The following ROBO2 variants were observed in gnomAD, a reference collection of about 807,000 sequenced individuals.
ROBO2 encodes the protein roundabout homolog 2.
In ROBO2, 53 loss-of-function variants were observed where a neutral mutation model predicts 160.8. That is an observed-to-expected ratio of 0.33 (90% CI 0.26 to 0.41). The LOEUF is 0.41. ROBO2 is among the 10% of genes least tolerant of loss of function. The pLI, the probability that ROBO2 is intolerant of heterozygous loss-of-function variation, is 1.00. For missense variants in ROBO2, 1,577 were observed against 1,722.4 expected (o/e 0.92, Z 1.49); for synonymous variants, 664 against 611.7 (o/e 1.09, Z -1.26).
chr3:77,326,557 T>G (rs1173381894), intron 2 of ROBO2, among the ~76,000 whole-genome samples: 2 of 152,224 alleles, frequency 1.3e-5, no homozygotes, highest in African/African-American at 2.4e-5. Context: ...TCTTTTATGT[T>G]TTTTGATTAA....
At chr3:76,528,701 G>A (rs189153769) in intron 2 of ROBO2, among the ~76,000 whole-genome samples, 38 of 152,026 alleles carry the variant, frequency 2.5e-4, no homozygotes, top group African/African-American at 9.2e-4. Context: ...TTTCTCATTA[G>A]CATATAGATG....
intron 2 of ROBO2, among the ~76,000 whole-genome samples, chr3:76,609,631 G>T (rs536417847): frequency 6.6e-6 from 1 of 151,974 alleles, no homozygotes; most frequent in South Asian, 2.1e-4. Flanking sequence ...AAATCTTTGG[G>T]TTTTTCCCAA....
intron 5 of ROBO2, among the ~76,000 whole-genome samples, chr3:77,496,485 T>G (rs976947105): frequency 1.4e-4 from 21 of 152,186 alleles, no homozygotes; most frequent in African/African-American, 5.1e-4. Context: ...TAGCCAACCG[T>G]AGACTAAATC....
chr3:75,957,248 AACACAC>A (rs74280410), intron 2 of ROBO2, among the ~76,000 whole-genome samples: 60 of 149,462 alleles, frequency 4.0e-4, no homozygotes, highest in African/African-American at 1.4e-3. Context: ...ACACACACAA[AACACAC>A]ACACACACAC....
At chr3:76,219,254 C>T (rs1703785637) in intron 2 of ROBO2, among the ~76,000 whole-genome samples, 1 of 152,180 alleles carries the variant, frequency 6.6e-6, no homozygotes, top group African/African-American at 2.4e-5. Flanking sequence ...CCATTCAGGA[C>T]ATAGGCATGG....
At chr3:76,717,414 C>G (rs1011930785) in intron 2 of ROBO2, among the ~76,000 whole-genome samples, 1 of 150,662 alleles carries the variant, frequency 6.6e-6, no homozygotes, top group Admixed American at 6.6e-5. Context: ...TTGCTTGAAG[C>G]AGGGAGGTGG....
chr3:77,398,068 GTATGTAT>G (rs2075444502), intron 2 of ROBO2, among the ~76,000 whole-genome samples: 1 of 152,166 alleles, frequency 6.6e-6, no homozygotes, highest in Middle Eastern at 3.4e-3. Context: ...CTTTTAGAAT[GTATGTAT>G]TATATTTTAT....
At chr3:76,118,491 C>T (rs953409325) in intron 2 of ROBO2, among the ~76,000 whole-genome samples, 2 of 152,088 alleles carry the variant, frequency 1.3e-5, no homozygotes, top group South Asian at 2.1e-4. Flanking sequence ...GGTTGATTAA[C>T]ATATGATGGA....
chr3:76,394,205 C>G (rs560425910), intron 2 of ROBO2, among the ~76,000 whole-genome samples: 3 of 152,250 alleles, frequency 2.0e-5, no homozygotes, highest in East Asian at 3.9e-4. Context: ...TTAGTTGATG[C>G]AGTTTCTTCC....
At chr3:76,157,833 T>C (rs915804150) in intron 2 of ROBO2, among the ~76,000 whole-genome samples, 2 of 152,180 alleles carry the variant, frequency 1.3e-5, no homozygotes, top group African/African-American at 4.8e-5. Flanking sequence ...CTACCATTTC[T>C]AAGTTATAAA....
chr3:76,135,601 G>A (rs557076582), intron 2 of ROBO2, among the ~76,000 whole-genome samples: 1 of 152,214 alleles, frequency 6.6e-6, no homozygotes, highest in Non-Finnish European at 1.5e-5. Flanking sequence ...TTACCCTAGA[G>A]GAATCGGCCC....
intron 2 of ROBO2, among the ~76,000 whole-genome samples, chr3:77,410,384 A>G (rs1166623077): frequency 2.0e-5 from 3 of 151,942 alleles, no homozygotes; most frequent in African/African-American, 7.3e-5. Flanking sequence ...CTTCGCCTGT[A>G]TTGCTTCTAG....
chr3:76,740,006 T>C (rs17014622), intron 2 of ROBO2, among the ~76,000 whole-genome samples: 2,747 of 152,272 alleles, frequency 0.018, 69 homozygotes, highest in African/African-American at 0.058. Flanking sequence ...AAAAATGGCG[T>C]TTTTGAACAT....
intron 2 of ROBO2, among the ~76,000 whole-genome samples, chr3:76,913,024 G>A (rs1018187271): frequency 3.3e-5 from 5 of 152,098 alleles, no homozygotes; most frequent in Non-Finnish European, 7.4e-5. Context: ...AGCATAAACA[G>A]GAAAGAAATT....
At chr3:77,011,066 T>TTTC (rs1559841276) in intron 2 of ROBO2, among the ~76,000 whole-genome samples, 6 of 125,486 alleles carry the variant, frequency 4.8e-5, no homozygotes, top group East Asian at 2.1e-4. Flanking sequence ...TCTTTCTTTC[T>TTTC]TTCTTTCTTT....
intron 2 of ROBO2, among the ~76,000 whole-genome samples, chr3:76,919,336 A>G (rs2076524931): frequency 6.6e-6 from 1 of 152,222 alleles, no homozygotes; most frequent in Non-Finnish European, 1.5e-5. Context: ...GAATATTTAT[A>G]GGCCATGGCA....
At chr3:75,911,777 C>T (rs1211096049) in intron 1 of ROBO2, among the ~76,000 whole-genome samples, 1 of 151,662 alleles carries the variant, frequency 6.6e-6, no homozygotes. Context: ...AGGATGGTCT[C>T]GATCTCCTGA....
chr3:76,862,174 A>C (rs114758378), intron 2 of ROBO2, among the ~76,000 whole-genome samples: 166 of 152,206 alleles, frequency 1.1e-3, no homozygotes, highest in African/African-American at 3.9e-3. Flanking sequence ...GGACTCCCTA[A>C]AGCTTCTACA....
At chr3:76,742,801 C>T (rs2093824162) in intron 2 of ROBO2, among the ~76,000 whole-genome samples, 1 of 150,944 alleles carries the variant, frequency 6.6e-6, no homozygotes, top group Admixed American at 6.6e-5. Context: ...CACACCCACC[C>T]ACCCAACCCC....
Sources: allele counts gnomAD v4.1 joint callset (sites outside exome capture counted in the v4.1 genomes callset), GRCh38; gene constraint gnomAD v4.1.1; transcripts MANE v1.5; gene names NCBI Gene and HGNC (gene_info 2026-07-23, HGNC 2026-07-21).